WDR7: variants seen among roughly 807,000 people sequenced by gnomAD.
WDR7 encodes WD repeat domain 7, also known as WD repeat-containing protein 7.
Under a neutral mutation model 169.4 loss-of-function variants are expected in WDR7, and 46 were observed. The observed-to-expected ratio is 0.27, with a 90% CI of 0.21 to 0.35. WDR7 has a LOEUF of 0.35. WDR7 is among the 10% of genes least tolerant of loss of function. The pLI is 1.00. For synonymous variants in WDR7, 612 were observed against 666.8 expected (o/e 0.92, Z 1.27); for missense variants, 1,534 against 1,859.3 (o/e 0.83, Z 3.22).
chr18:56,800,855 C>G (rs1015854075), intron 19 of WDR7, among the ~76,000 whole-genome samples: 3 of 152,154 alleles, frequency 2.0e-5, no homozygotes, highest in Non-Finnish European at 2.9e-5. Flanking sequence ...AGTCATTTCT[C>G]TAAGGAACCC....
At chr18:56,913,769 T>C (rs796608155) in intron 21 of WDR7, among the ~76,000 whole-genome samples, 24 of 152,122 alleles carry the variant, frequency 1.6e-4, no homozygotes, top group African/African-American at 5.8e-4. Flanking sequence ...CACTCCAGCC[T>C]GGGTGACAGA....
intron 4 of WDR7, 143 bp from the exon 5 acceptor site, chr18:56,682,536 C>T: frequency 1.2e-6 from 1 of 846,442 alleles, no homozygotes; most frequent in Non-Finnish European, 1.8e-6. Flanking sequence ...TAATATGTAC[C>T]ATTTGGTAAA....
intron 20 of WDR7, among the ~76,000 whole-genome samples, chr18:56,840,572 G>A (rs1266518568): frequency 6.6e-6 from 1 of 152,126 alleles, no homozygotes; most frequent in Non-Finnish European, 1.5e-5. Context: ...TGCAATACCA[G>A]CATTTTGGGA....
intron 16 of WDR7, among the ~76,000 whole-genome samples, chr18:56,768,253 C>CT (rs899108072): frequency 4.0e-5 from 6 of 151,848 alleles, no homozygotes; most frequent in South Asian, 2.1e-4. Context: ...AAAATTGGGT[C>CT]TTTTTAAAAA....
chr18:57,032,336 G>A (rs1432296142), downstream of WDR7: 1 of 152,196 alleles, frequency 6.6e-6, no homozygotes, highest in Non-Finnish European at 1.5e-5. Flanking sequence ...CCAAAGCAAA[G>A]GAAACTGAAT....
intron 21 of WDR7, among the ~76,000 whole-genome samples, chr18:56,884,019 G>A (rs1021871554): frequency 6.6e-6 from 1 of 151,790 alleles, no homozygotes; most frequent in African/African-American, 2.4e-5. Flanking sequence ...TTTCCTCTGG[G>A]TAGATACCCT....
intron 18 of WDR7, among the ~76,000 whole-genome samples, chr18:56,780,915 T>C (rs1327294893): frequency 1.3e-5 from 2 of 152,244 alleles, no homozygotes; most frequent in Non-Finnish European, 2.9e-5. Flanking sequence ...AAAATTTGTA[T>C]GCTACATTGA....
intron 13 of WDR7, 111 bp from the exon 14 acceptor site, chr18:56,731,272 A>T: frequency 7.9e-7 from 1 of 1,267,138 alleles, no homozygotes; most frequent in South Asian, 1.6e-5. Flanking sequence ...TCCAGGAGGC[A>T]TTGATAAAAC....
intron 16 of WDR7, among the ~76,000 whole-genome samples, chr18:56,762,898 T>G (rs1428272311): frequency 3.1e-5 from 1 of 32,022 alleles, no homozygotes; most frequent in East Asian, 1.8e-3. Context: ...TTAGTAAGAA[T>G]TTTTTTTTTT....
At chr18:56,797,894 A>G (rs2044610992) in intron 19 of WDR7, among the ~76,000 whole-genome samples, 1 of 152,178 alleles carries the variant, frequency 6.6e-6, no homozygotes, top group African/African-American at 2.4e-5. Context: ...AGTCATCTTC[A>G]TCTTCCCTTG....
intron 26 of WDR7, chr18:57,009,931 A>G (rs1219396455): frequency 1.0e-6 from 1 of 985,340 alleles, no homozygotes; most frequent in Non-Finnish European, 1.2e-6. Context: ...TCCGTTAACC[A>G]TAACCCAAAT....
At chr18:56,715,228 A>G (rs1240612171) in intron 12 of WDR7, among the ~76,000 whole-genome samples, 1 of 151,852 alleles carries the variant, frequency 6.6e-6, no homozygotes, top group African/African-American at 2.4e-5. Flanking sequence ...GATCTTTGAC[A>G]GAGAGAGAGA....
At chr18:56,775,324 A>G (rs2044224579) in intron 16 of WDR7, among the ~76,000 whole-genome samples, 2 of 152,116 alleles carry the variant, frequency 1.3e-5, no homozygotes, top group Non-Finnish European at 2.9e-5. Flanking sequence ...CAAAAATTAA[A>G]ACCTGCAAAT....
chr18:56,664,539 T>G (rs1420485508), intron 1 of WDR7, among the ~76,000 whole-genome samples: 1 of 152,096 alleles, frequency 6.6e-6, no homozygotes, highest in Admixed American at 6.6e-5. Context: ...CCTTTTTTTT[T>G]TTTTTTAAGA....
chr18:56,748,206 C>T (rs1336503378), intron 14 of WDR7, among the ~76,000 whole-genome samples: 2 of 152,086 alleles, frequency 1.3e-5, no homozygotes, highest in Non-Finnish European at 2.9e-5. Context: ...TCTACAACAC[C>T]TTATTGAGGT....
intron 20 of WDR7, among the ~76,000 whole-genome samples, chr18:56,879,233 A>G (rs1339762846): frequency 6.6e-6 from 1 of 151,950 alleles, no homozygotes; most frequent in Non-Finnish European, 1.5e-5. Flanking sequence ...CATTTTTATC[A>G]TGCCCAACAA....
intron 26 of WDR7, among the ~76,000 whole-genome samples, chr18:56,986,170 GTGTGTGTGTA>G (rs1002428844): frequency 4.9e-5 from 7 of 144,316 alleles, no homozygotes; most frequent in Non-Finnish European, 1.1e-4. Flanking sequence ...GTGTGTGTGT[GTGTGTGTGTA>G]TACATATTCA....
intron 1 of WDR7, among the ~76,000 whole-genome samples, chr18:56,652,587 A>G (rs1372591120): frequency 6.6e-6 from 1 of 152,250 alleles, no homozygotes; most frequent in African/African-American, 2.4e-5. Flanking sequence ...TACAAAGAAT[A>G]AAAAACTGTC....
At chr18:56,735,681 T>G (rs1339452076) in intron 14 of WDR7, among the ~76,000 whole-genome samples, 1 of 152,178 alleles carries the variant, frequency 6.6e-6, no homozygotes. Flanking sequence ...GAACAAAGAT[T>G]GACAAACTCT....
Sources: allele counts gnomAD v4.1 joint callset (sites outside exome capture counted in the v4.1 genomes callset), GRCh38; gene constraint gnomAD v4.1.1; transcripts MANE v1.5; gene names NCBI Gene and HGNC (gene_info 2026-07-23, HGNC 2026-07-21).